CERS4: variants seen among roughly 807,000 people sequenced by gnomAD.
CERS4 encodes the protein LAG1 homolog, ceramide synthase 4.
CERS4 carries 65 observed loss-of-function variants against 51.8 expected under a neutral mutation model. The ratio of observed to expected loss-of-function variants is 1.26; its 90% CI spans 1.03 to 1.54. The LOEUF is 1.54. Among genes scored for constraint, CERS4 ranks in the 40% most tolerant of loss-of-function variants. The pLI is 0.00. For missense variants in CERS4, 563 were observed against 500.4 expected (o/e 1.13, Z -1.19); for synonymous variants, 228 against 208.4 (o/e 1.09, Z -0.81).
At position 8,255,627 on chromosome 19, in the gene CERS4, C is replaced by T. The variant is rs764258000; in HGVS notation, c.312C>T (p.Ala104=). ...RPKEPQLSLL[A]AQCGLTLQQT... ...CCCAGCCCCAGCTGTCTCTCCTGGC[C>T]GCCCAGTGTGGCCTCACGCTGCAGC... Residue 104 remains alanine (A), a synonymous_variant, in exon 5 of 12, where the codon GCC becomes GCT. Coordinates refer to ENST00000251363, the MANE Select transcript of CERS4 (RefSeq NM_024552.3). The T allele has an allele frequency of 7.1e-5, 115 of 1,612,268 alleles. No individual in the cohort carries two copies. Among genetic ancestry groups the T allele is most frequent in the Admixed American group, 5.0e-4 (30 of 59,946 alleles).
chr19:8,250,839 A>C (rs1409431471), intron 2 of CERS4: 1 of 1,307,980 alleles, frequency 7.6e-7, no homozygotes, highest in Non-Finnish European at 9.7e-7. Flanking sequence ...CTGCCTTTTA[A>C]CACTGACCAG....
At position 8,262,268 on chromosome 19, in the gene CERS4, T is replaced by G; in HGVS notation, c.*159T>G. On this transcript the variant is annotated 3_prime_UTR_variant, in exon 12 of 12. Coordinates refer to ENST00000251363, the MANE Select transcript of CERS4 (RefSeq NM_024552.3). ...TGATCTGTCTCCAGCCCCTTCCTTC[T>G]GCCCACCCACCCTTCTTCCCTCTGG... 1.4e-6 allele frequency: 1 copy of G among 706,422 alleles called. No homozygotes were observed. Among genetic ancestry groups the G allele is most frequent in the Non-Finnish European group, 2.1e-6 (1 of 484,222 alleles). 43.8% of individuals were successfully genotyped at this position (706,422 alleles called of 1,614,324 possible).
chr19:8,235,278 A>G (rs996655282), intron 2 of CERS4, among the ~76,000 whole-genome samples: 11 of 151,514 alleles, frequency 7.3e-5, no homozygotes, highest in African/African-American at 2.7e-4. Context: ...AAGTGCTGGG[A>G]TTACAGGCGT....
chr19:8,226,817 A>G (rs909311647), intron 2 of CERS4, among the ~76,000 whole-genome samples: 2 of 151,806 alleles, frequency 1.3e-5, no homozygotes, highest in African/African-American at 4.8e-5. Context: ...ACATGCTGAA[A>G]CCCCGTCTCT....
intron 2 of CERS4, among the ~76,000 whole-genome samples, chr19:8,245,942 G>C (rs1968767996): frequency 6.8e-6 from 1 of 147,548 alleles, no homozygotes. Context: ...GTGGGGGGCA[G>C]GGCAAGGTGG....
chr19:8,228,639 C>T (rs1434304195), intron 2 of CERS4, among the ~76,000 whole-genome samples: 1 of 151,372 alleles, frequency 6.6e-6, no homozygotes, highest in African/African-American at 2.4e-5. Context: ...CCCGCCGTTG[C>T]ACTGCAGCCT....
Position 8,262,043 on chromosome 19 carries a change from C to T in CERS4, c.1119C>T (p.Ala373=), listed in dbSNP as rs759779063. 1.0e-5 allele frequency: 16 copies of T among 1,552,166 alleles called. No homozygotes were observed. The highest frequency in any genetic ancestry group is 1.4e-5 in the African/African-American group (1 of 72,372). ...KNGAAGGPRP[A]PTDGPRSRVA... ...GGGCAGCTGGAGGGCCCAGGCCAGC[C>T]CCCACTGATGGCCCTCGGAGCCGGG... is the stretch of plus-strand genomic sequence containing the variant. Residue 373 remains alanine (A), a synonymous_variant, in exon 12 of 12, where the codon GCC becomes GCT. Coordinates refer to ENST00000251363, the MANE Select transcript of CERS4 (RefSeq NM_024552.3).
chr19:8,254,473 A>G, intron 3 of CERS4, 26 bp from the exon 4 acceptor site: 1 of 1,609,198 alleles, frequency 6.2e-7, no homozygotes, highest in Non-Finnish European at 8.5e-7. Flanking sequence ...ACCTGGGCTG[A>G]TAGGCTCTGT....
chr19:8,256,183 G>T, intron 6 of CERS4, 53 bp from the exon 7 acceptor site: 2 of 1,565,856 alleles, frequency 1.3e-6, no homozygotes, highest in Non-Finnish European at 1.7e-6. Flanking sequence ...GCAGACCCAG[G>T]GTGGGAGGTT....
rs1568543822 is a variant in CERS4, at chr19:8,260,966, A to AAC, written c.849-721_849-720insCA. The AAC allele has an allele frequency of 9.3e-4, 140 of 150,970 alleles. 4 individuals carry two copies. Among genetic ancestry groups the AAC allele is most frequent in the Middle Eastern group, 3.4e-3 (1 of 294 alleles). 9.4% of individuals were successfully genotyped at this position (150,970 alleles called of 1,614,324 possible). ...ACTCCATCTCAAAAAAAAAAAAAAA[A>AAC]AAAAAAAAAAACAAGAACCACAGCT... On this transcript the variant is annotated intron_variant, in intron 10 of 11. Transcript: ENST00000251363.
At chr19:8,217,567 C>T (rs1440101141) in intron 2 of CERS4, among the ~76,000 whole-genome samples, 2 of 148,184 alleles carry the variant, frequency 1.3e-5, no homozygotes, top group Non-Finnish European at 3.0e-5. Context: ...GATGGAGTCT[C>T]GCTCTTTCAC....
rs1394226079 is a variant in CERS4 at position 8,210,862 on chromosome 19, G to A, written c.-2G>A. 1 of 152,256 alleles carries A rather than the reference G, an allele frequency of 6.6e-6. No homozygotes were observed. Among genetic ancestry groups the A allele is most frequent in the East Asian group, 1.9e-4 (1 of 5,192 alleles). The allele number at this position is 152,256 out of a possible 1,614,324, so 9.4% of individuals were successfully genotyped here. On this transcript the variant is annotated splice_region_variant and 5_prime_UTR_variant, in exon 2 of 12. Transcript: ENST00000251363. This position sits in a 1 kb window ranked among gnomAD's most constrained non-coding sequence, Gnocchi z 4.2. ...TTCCAGCTCACCCACTGCCAGCAGA[G>A]GTACTTTGAGCCTGGGGTGTGGGGG...
intron 4 of CERS4, 141 bp from the exon 5 acceptor site, chr19:8,255,466 T>C (rs2145315871): frequency 4.0e-6 from 3 of 742,802 alleles, no homozygotes; most frequent in Admixed American, 2.5e-5. Context: ...CCCCCAACAC[T>C]GCCCCTCCAT....
At chr19:8,227,573 C>G (rs941932712) in intron 2 of CERS4, among the ~76,000 whole-genome samples, 1 of 151,906 alleles carries the variant, frequency 6.6e-6, no homozygotes, top group Non-Finnish European at 1.5e-5. Flanking sequence ...AACTCCTGAT[C>G]GCAAATGATC....
At chr19:8,214,089 G>GAGCTC (rs1222573425) in intron 2 of CERS4, among the ~76,000 whole-genome samples, 1 of 151,976 alleles carries the variant, frequency 6.6e-6, no homozygotes, top group African/African-American at 2.4e-5. Flanking sequence ...GAACCGCCTG[G>GAGCTC]AGCTCAGCTC....
chr19:8,258,430 C>G (rs746876392), intron 10 of CERS4, among the ~76,000 whole-genome samples: 1 of 152,138 alleles, frequency 6.6e-6, no homozygotes, highest in Non-Finnish European at 1.5e-5. Context: ...TTTGACGGGC[C>G]GGGCGTGGTA....
At chr19:8,253,194 A>T (rs1969178941) in intron 3 of CERS4, among the ~76,000 whole-genome samples, 1 of 152,222 alleles carries the variant, frequency 6.6e-6, no homozygotes, top group Non-Finnish European at 1.5e-5. Flanking sequence ...CAACGTGGCC[A>T]TTGACCAGGG....
chr19:8,252,728 C>G (rs1418704409), intron 3 of CERS4, among the ~76,000 whole-genome samples: 1 of 152,122 alleles, frequency 6.6e-6, no homozygotes, highest in Non-Finnish European at 1.5e-5. Context: ...CAAGTGACAC[C>G]ACAACCCAGC....
Position 8,262,141 on chromosome 19 carries a change from C to T in CERS4, c.*32C>T, listed in dbSNP as rs1969743891. ...GGGGCTGGCTGTAAGGGGTTGCCCC[C>T]CCGCCAGTGCCTTGGATATTTCTGG... On this transcript the variant is annotated 3_prime_UTR_variant, in exon 12 of 12. Transcript: ENST00000251363. 7 of 1,428,230 alleles carry T rather than the reference C, an allele frequency of 4.9e-6. No homozygotes were observed. The South Asian group carries it at 7.7e-5, about 16-fold the overall frequency. The allele number at this position is 1,428,230 out of a possible 1,614,324, so 88.5% of individuals were successfully genotyped here.
Sources: allele counts gnomAD v4.1 joint callset (sites outside exome capture counted in the v4.1 genomes callset), GRCh38; gene constraint gnomAD v4.1.1; non-coding constraint Gnocchi (gnomAD v3.1); transcripts MANE v1.5; gene names NCBI Gene and HGNC (gene_info 2026-07-23, HGNC 2026-07-21).